Variants in CPEB3 observed in about 807,000 individuals in gnomAD.
CPEB3 encodes cytoplasmic polyadenylation element-binding protein 3.
In CPEB3, 20 loss-of-function variants were observed where a neutral mutation model predicts 67.2. That is an observed-to-expected ratio of 0.30 (90% CI 0.21 to 0.43). The LOEUF is 0.43. Among genes scored for constraint, CPEB3 ranks in the 20% least tolerant of loss-of-function variants. CPEB3 has a pLI of 1.00. For missense variants in CPEB3, 746 were observed against 968.6 expected (o/e 0.77, Z 3.05); for synonymous variants, 376 against 393.1 (o/e 0.96, Z 0.51).
intron 2 of CPEB3, among the ~76,000 whole-genome samples, chr10:92,193,221 A>C (rs1231018677): frequency 6.6e-6 from 1 of 152,180 alleles, no homozygotes; most frequent in Non-Finnish European, 1.5e-5. Flanking sequence ...CAAAAAAAAA[A>C]GAACAATGAC....
rs551345683 is a variant in CPEB3 at position 92,201,645 on chromosome 10, T to C, written c.1006-9009A>G. Among the ~76,000 whole-genome samples the C allele has an allele frequency of 1.3e-3, 197 of 152,318 alleles. 3 individuals are homozygous for C. Among genetic ancestry groups the C allele is most frequent in the Non-Finnish European group, 5.9e-5 (4 of 68,018 alleles). ...ATTAGTTGATGTCACCCCAAATCAT[T>C]GGGTTGTTAGCCAGCAGAATATTAT... On this transcript the variant is annotated intron_variant, in intron 2 of 9. Coordinates refer to ENST00000265997, the MANE Select transcript of CPEB3 (RefSeq NM_014912.5).
At chr10:92,214,524 G>A (rs763100919) in intron 2 of CPEB3, among the ~76,000 whole-genome samples, 7 of 151,176 alleles carry the variant, frequency 4.6e-5, no homozygotes, top group African/African-American at 9.7e-5. Flanking sequence ...ACTCTGTCCC[G>A]CAGGCTGGAG....
At chr10:92,273,854 A>G (rs550805448) in intron 1 of CPEB3, among the ~76,000 whole-genome samples, 20 of 152,228 alleles carry the variant, frequency 1.3e-4, no homozygotes, top group Middle Eastern at 3.4e-3. Flanking sequence ...GCTCTTTTAC[A>G]TATACTCCTC....
intron 8 of CPEB3, among the ~76,000 whole-genome samples, chr10:92,086,468 T>G (rs1446923331): frequency 6.6e-6 from 1 of 152,202 alleles, no homozygotes; most frequent in East Asian, 1.9e-4. Flanking sequence ...GTTACTACTG[T>G]TACTGAGACA....
chr10:92,182,334 G>C (rs1327132164), intron 3 of CPEB3, among the ~76,000 whole-genome samples: 1 of 152,180 alleles, frequency 6.6e-6, no homozygotes, highest in Non-Finnish European at 1.5e-5. Context: ...CGTTACAGGG[G>C]ACTGGAGGCA....
At chr10:92,276,277 CTTTT>C (rs769749643) in intron 1 of CPEB3, among the ~76,000 whole-genome samples, 22 of 108,266 alleles carry the variant, frequency 2.0e-4, no homozygotes, top group African/African-American at 9.2e-4. Flanking sequence ...TTTTTCTTTT[CTTTT>C]TTTTTTTTTT....
intron 6 of CPEB3, among the ~76,000 whole-genome samples, chr10:92,122,444 T>C (rs762043560): frequency 1.1e-4 from 17 of 152,230 alleles, no homozygotes; most frequent in Non-Finnish European, 2.4e-4. Context: ...GAGCACTCAC[T>C]GTAGGTCTCT....
Position 92,239,688 on chromosome 10 carries a change from G to T in CPEB3, c.663C>A (p.Ser221=). The change falls in exon 2 of 10, where the codon TCC becomes TCA. Residue 221 remains serine, a synonymous_variant. Coordinates refer to ENST00000265997, the MANE Select transcript of CPEB3 (RefSeq NM_014912.5). The surrounding 1 kb of genome is among the most constrained non-coding windows in gnomAD (Gnocchi z 6.0). ...GHQPIMTSKP[S]SSSAVAAAAA... Reference sequence around the variant, plus strand: ...CAGCGGCTGCAACCGCCGAAGACGAGGACGGCTTGCTGGTCATGATGGGCT... The same window carrying T: ...CAGCGGCTGCAACCGCCGAAGACGATGACGGCTTGCTGGTCATGATGGGCT... The T allele has an allele frequency of 6.4e-7, 1 of 1,570,704 alleles. No individual in the cohort carries two copies. The highest frequency in any genetic ancestry group is 8.6e-7 in the Non-Finnish European group (1 of 1,161,930).
intron 1 of CPEB3, among the ~76,000 whole-genome samples, chr10:92,258,659 T>G (rs1346055192): frequency 1.2e-5 from 1 of 84,682 alleles, no homozygotes; most frequent in African/African-American, 3.9e-5. Flanking sequence ...TATATATATA[T>G]ATATATATAT....
chr10:92,072,680 GTTT>G (rs1842793516), intron 9 of CPEB3, among the ~76,000 whole-genome samples: 3 of 152,184 alleles, frequency 2.0e-5, no homozygotes, highest in Admixed American at 2.0e-4. Flanking sequence ...TTGTTTGTTT[GTTT>G]TGTTTTGTTC....
intron 7 of CPEB3, among the ~76,000 whole-genome samples, chr10:92,098,770 CTTTTTTT>C (rs984013045): frequency 3.2e-5 from 4 of 124,558 alleles, no homozygotes; most frequent in Admixed American, 2.4e-4. Flanking sequence ...TTCTTTTTTT[CTTTTTTT>C]TTTTTTTTTT....
rs115282320 is a variant in CPEB3 at position 92,185,618 on chromosome 10, T to G, written c.1166-4599A>C. ...TCATCTCTTTACTTCTACAATATGT[T>G]ATGAGATAGGGAACAACTGCTGTAC... On this transcript the variant is annotated intron_variant, in intron 3 of 9. Coordinates refer to ENST00000265997, the MANE Select transcript of CPEB3 (RefSeq NM_014912.5). Among the ~76,000 whole-genome samples the G allele has an allele frequency of 6.4e-3, 970 of 152,326 alleles. 8 individuals carry two copies. Among genetic ancestry groups the G allele is most frequent in the African/African-American group, 0.022 (922 of 41,560 alleles).
intron 1 of CPEB3, among the ~76,000 whole-genome samples, chr10:92,252,363 C>T (rs1852337995): frequency 6.6e-6 from 1 of 152,114 alleles, no homozygotes; most frequent in Non-Finnish European, 1.5e-5. Context: ...AACTATACAA[C>T]CACAATGCAA....
chr10:92,144,826 C>T, intron 5 of CPEB3, 119 bp downstream of exon 5: 3 of 810,448 alleles, frequency 3.7e-6, no homozygotes, highest in Non-Finnish European at 6.0e-6. Flanking sequence ...ACCAAATAGT[C>T]TCACCTCCTA....
At position 92,049,714 on chromosome 10, in the gene CPEB3, T is replaced by C. The variant is rs1434697723; in HGVS notation, c.*2498A>G. On this transcript the variant is annotated 3_prime_UTR_variant, in exon 10 of 10. Coordinates refer to ENST00000265997, the MANE Select transcript of CPEB3 (RefSeq NM_014912.5). ...GTTTTTTGCCTTCACTTTAGCTTTA[T>C]GCTGTACAATCTTCCAGCTTTTAAA... The C allele has an allele frequency of 2.0e-5, 3 of 152,668 alleles. No individual in the cohort carries two copies. Among genetic ancestry groups the C allele is most frequent in the Non-Finnish European group, 2.9e-5 (2 of 68,042 alleles). The allele number at this position is 152,668 out of a possible 1,614,324, so 9.5% of individuals were successfully genotyped here.
At chr10:92,106,442 G>A (rs897721434) in intron 7 of CPEB3, among the ~76,000 whole-genome samples, 4 of 152,184 alleles carry the variant, frequency 2.6e-5, no homozygotes, top group Non-Finnish European at 2.9e-5. Flanking sequence ...TAACATTCAC[G>A]ATACATGATG....
At chr10:92,089,708 G>A (rs1278683366) in intron 8 of CPEB3, among the ~76,000 whole-genome samples, 2 of 152,038 alleles carry the variant, frequency 1.3e-5, no homozygotes, top group Admixed American at 6.6e-5. Flanking sequence ...TCTTGAACCC[G>A]GGAGGTGGAG....
At chr10:92,266,021 AG>A (rs1409506512) in intron 1 of CPEB3, among the ~76,000 whole-genome samples, 1 of 152,106 alleles carries the variant, frequency 6.6e-6, no homozygotes, top group Admixed American at 6.6e-5. Context: ...TTACAAGAAG[AG>A]GAAGAGAAAC....
intron 3 of CPEB3, among the ~76,000 whole-genome samples, chr10:92,181,785 G>A (rs1275544667): frequency 6.6e-6 from 1 of 152,176 alleles, no homozygotes; most frequent in Non-Finnish European, 1.5e-5. Flanking sequence ...GAGACCATGT[G>A]GCCCGTAAAG....
Sources: allele counts gnomAD v4.1 joint callset (sites outside exome capture counted in the v4.1 genomes callset), GRCh38; gene constraint gnomAD v4.1.1; non-coding constraint Gnocchi (gnomAD v3.1); transcripts MANE v1.5; gene names NCBI Gene and HGNC (gene_info 2026-07-23, HGNC 2026-07-21).